The following PBRM1 variants were observed in gnomAD, a reference collection of about 807,000 sequenced individuals.
PBRM1 encodes polybromo 1.
Under a neutral mutation model 194.5 loss-of-function variants are expected in PBRM1, and 27 were observed. The observed-to-expected ratio is 0.14, with a 90% CI of 0.10 to 0.19. The LOEUF is 0.19. Among genes scored for constraint, PBRM1 ranks in the 10% least tolerant of loss-of-function variants. The probability of loss-of-function intolerance (pLI) is 1.00; values close to 1 mark genes in which losing one functional copy is unlikely to be tolerated. For missense variants in PBRM1, 1,466 were observed against 2,077.2 expected, an observed-to-expected ratio of 0.71 and a Z score of 5.72; for synonymous variants, 655 against 693.2, an observed-to-expected ratio of 0.94 and a Z score of 0.87.
intron 15 of PBRM1, among the ~76,000 whole-genome samples, chr3:52,611,768 C>T (rs966916539): frequency 1.3e-5 from 2 of 152,092 alleles, no homozygotes; most frequent in Non-Finnish European, 2.9e-5. Context: ...TGTGCCACTA[C>T]ACTCCAGCCT....
chr3:52,590,733 G>T (rs1164053392), intron 17 of PBRM1, among the ~76,000 whole-genome samples: 4 of 152,134 alleles, frequency 2.6e-5, no homozygotes, highest in African/African-American at 4.8e-5. Context: ...AAAGTGCTGG[G>T]ATTACAAGCG....
chr3:52,683,217 A>T (rs1306793548), upstream of PBRM1, among the ~76,000 whole-genome samples: 2 of 151,368 alleles, frequency 1.3e-5, no homozygotes, highest in Non-Finnish European at 2.9e-5. Flanking sequence ...AAATAATAAA[A>T]AAAAAAATTA....
At chr3:52,566,824 T>C (rs2085363614) in intron 22 of PBRM1, among the ~76,000 whole-genome samples, 1 of 152,184 alleles carries the variant, frequency 6.6e-6, no homozygotes, top group Non-Finnish European at 1.5e-5. Flanking sequence ...ATCCTAGCAC[T>C]TTGGGAGGCC....
At chr3:52,614,263 T>C (rs1465936380) in intron 15 of PBRM1, among the ~76,000 whole-genome samples, 1 of 150,390 alleles carries the variant, frequency 6.6e-6, no homozygotes, top group Non-Finnish European at 1.5e-5. Flanking sequence ...TAGTCCCATC[T>C]ATGTGGGAGG....
intron 27 of PBRM1, among the ~76,000 whole-genome samples, chr3:52,553,054 G>C (rs2081351651): frequency 1.3e-5 from 2 of 152,162 alleles, no homozygotes; most frequent in Admixed American, 6.5e-5. Flanking sequence ...CACACTGCTG[G>C]GTGCACCCTC....
intron 15 of PBRM1, among the ~76,000 whole-genome samples, chr3:52,612,208 C>T (rs1045715184): frequency 4.4e-5 from 6 of 135,800 alleles, no homozygotes; most frequent in Admixed American, 2.6e-4. Flanking sequence ...TGCAGTGAGC[C>T]GAGATCGTGC....
At chr3:52,641,976 A>G (rs768798683) in exon 10 of PBRM1, 1 of 1,605,850 alleles carries the variant, frequency 6.2e-7, no homozygotes, top group South Asian at 1.1e-5. Flanking sequence ...CATCTTCTTC[A>G]CTTTCTGAGC....
At chr3:52,657,818 G>A (rs1482602076) in intron 5 of PBRM1, among the ~76,000 whole-genome samples, 37 of 133,494 alleles carry the variant, frequency 2.8e-4, no homozygotes, top group South Asian at 9.5e-4. Flanking sequence ...ACGGAGTTTC[G>A]CTCTTGTTGC....
At chr3:52,684,729 T>C (rs2097282396) in intron 1 of PBRM1, 1 of 152,244 alleles carries the variant, frequency 6.6e-6, no homozygotes, top group Non-Finnish European at 1.5e-5. Context: ...CACAATTTAC[T>C]TATCTTGGGA....
chr3:52,597,494 A>C (rs550099188), intron 17 of PBRM1, among the ~76,000 whole-genome samples: 1 of 152,184 alleles, frequency 6.6e-6, no homozygotes, highest in South Asian at 2.1e-4. Flanking sequence ...TACACAGCAG[A>C]TCTATAAGGT....
At chr3:52,666,808 C>T (rs2096846499) in intron 3 of PBRM1, among the ~76,000 whole-genome samples, 1 of 150,480 alleles carries the variant, frequency 6.6e-6, no homozygotes, top group Admixed American at 6.7e-5. Flanking sequence ...GGGAAGATTG[C>T]TTGAGCCCAG....
At chr3:52,603,821 T>A in intron 16 of PBRM1, 89 bp from the exon 19 acceptor site, 1 of 1,117,360 alleles carries the variant, frequency 8.9e-7, no homozygotes, top group Non-Finnish European at 1.3e-6. Flanking sequence ...AATGCTTCTT[T>A]AATTGATATA....
upstream of PBRM1, among the ~76,000 whole-genome samples, chr3:52,680,482 A>G (rs1047387758): frequency 6.6e-6 from 1 of 152,154 alleles, no homozygotes; most frequent in Non-Finnish European, 1.5e-5. Flanking sequence ...TATAACACGT[A>G]CTCTATTTAA....
At chr3:52,685,052 G>C (rs1360892687) in intron 1 of PBRM1, 1 of 152,200 alleles carries the variant, frequency 6.6e-6, no homozygotes, top group African/African-American at 2.4e-5. Context: ...GTGTTGGAAA[G>C]TAAGTTAATT....
intron 25 of PBRM1, 68 bp downstream of exon 27, chr3:52,561,699 G>T: frequency 7.5e-7 from 1 of 1,339,364 alleles, no homozygotes; most frequent in Non-Finnish European, 1.1e-6. Context: ...AGTAAAACCT[G>T]TCTGTGCGCG....
chr3:52,637,056 A>G (rs2095851402), intron 10 of PBRM1, among the ~76,000 whole-genome samples: 1 of 152,164 alleles, frequency 6.6e-6, no homozygotes, highest in South Asian at 2.1e-4. Context: ...TCATGGAGCT[A>G]GAAGCAGATA....
chr3:52,681,716 A>G, upstream of PBRM1: 1 of 1,015,922 alleles, frequency 9.8e-7, no homozygotes, highest in Non-Finnish European at 1.2e-6. Flanking sequence ...GAGCACAACC[A>G]GCGCCTCGAA....
chr3:52,609,956 C>A lies in PBRM1; in HGVS notation c.1925-1G>T. 6.8e-7 allele frequency: 1 copy of A among 1,467,134 alleles called. No homozygotes were observed. The highest frequency in any genetic ancestry group is 1.4e-5 in the African/African-American group (1 of 70,802). 90.9% of individuals were successfully genotyped at this position (1,467,134 alleles called of 1,614,324 possible). A position where few individuals can be genotyped will look rare whatever the true frequency, so the allele number is the denominator to read the frequency against. On this transcript the variant is annotated splice_acceptor_variant, in intron 15 of 29. Coordinates refer to ENST00000296302, the Ensembl canonical transcript of PBRM1. LOFTEE classifies it high-confidence loss of function. The surrounding 1 kb of genome is among the most constrained non-coding windows in gnomAD (Gnocchi z 4.1). ...TTAGGAGAAATGCCACTCTTCCTACCTAAAGAGAGATATTTAATGTTAAAT... is the reference window on the plus strand; with the variant it reads ...TTAGGAGAAATGCCACTCTTCCTACATAAAGAGAGATATTTAATGTTAAAT...
chr3:52,574,920 A>T (rs1404472299), intron 22 of PBRM1, among the ~76,000 whole-genome samples: 1 of 152,178 alleles, frequency 6.6e-6, no homozygotes, highest in East Asian at 1.9e-4. Flanking sequence ...TTATTTTTTG[A>T]GACAGGGTCT....
Sources: allele counts gnomAD v4.1 joint callset (sites outside exome capture counted in the v4.1 genomes callset), GRCh38; gene constraint gnomAD v4.1.1; non-coding constraint Gnocchi (gnomAD v3.1); transcripts MANE v1.5; gene names NCBI Gene and HGNC (gene_info 2026-07-23, HGNC 2026-07-21).